KCNT2: variants seen among roughly 807,000 people sequenced by gnomAD.
The protein encoded by KCNT2 is potassium channel subfamily T member 2.
KCNT2 carries 67 observed loss-of-function variants against 153.8 expected under a neutral mutation model. The observed-to-expected ratio is 0.44, with a 90% CI of 0.36 to 0.53. KCNT2 has a LOEUF of 0.53. Ranked by LOEUF, KCNT2 falls within the 20% of genes least tolerant of loss-of-function variation. The pLI is 0.00. For synonymous variants in KCNT2, 500 were observed against 458.8 expected, an observed-to-expected ratio of 1.09 and a Z score of -1.15; for missense variants, 975 against 1,354.8, an observed-to-expected ratio of 0.72 and a Z score of 4.40.
At chr1:196,309,736 A>G (rs1244122205) in intron 21 of KCNT2, among the ~76,000 whole-genome samples, 1 of 151,858 alleles carries the variant, frequency 6.6e-6, no homozygotes, top group African/African-American at 2.4e-5. Flanking sequence ...GTCTCCTTTG[A>G]AACACTAACA....
intron 1 of KCNT2, among the ~76,000 whole-genome samples, chr1:196,580,582 A>G (rs1661915924): frequency 1.3e-5 from 2 of 152,190 alleles, no homozygotes; most frequent in African/African-American, 4.8e-5. Flanking sequence ...TTGAATAAGA[A>G]AATGATAATC....
rs116608547 is a variant in KCNT2 at position 196,601,557 on chromosome 1, A to G, written c.95+6658T>C. On this transcript the variant is annotated intron_variant, in intron 1 of 27. Transcript: ENST00000294725. The stretch of plus-strand genomic sequence containing the variant: ...GCTATCATTTAAATTTTGAAATGAT[A>G]AAGACCAATATATCCACAACTGTCA... Among the ~76,000 whole-genome samples, 693 of 152,340 alleles carry G rather than the reference A, an allele frequency of 4.5e-3. 3 individuals carry two copies. Among genetic ancestry groups the G allele is most frequent in the African/African-American group, 0.015 (633 of 41,574 alleles).
intron 1 of KCNT2, among the ~76,000 whole-genome samples, chr1:196,557,786 A>G (rs1171012939): frequency 6.6e-6 from 1 of 151,440 alleles, no homozygotes; most frequent in African/African-American, 2.4e-5. Context: ...AAGCTCATGT[A>G]ATTTCCATGA....
Position 196,333,607 on chromosome 1 carries a change from G to A in KCNT2, c.1997+240C>T, listed in dbSNP as rs145579263. On this transcript the variant is annotated intron_variant, in intron 17 of 27. Transcript: ENST00000294725. ...CCTTGAGGATAAAAGATAATTAAGA[G>A]CAAAATGAGACTGGAAATATATGTT... is the stretch of plus-strand genomic sequence containing the variant. 3.4e-3 allele frequency among the ~76,000 whole-genome samples: 521 copies of A among 152,072 alleles called. 1 individual carries two copies. Among genetic ancestry groups the A allele is most frequent in the South Asian group, 8.9e-3 (43 of 4,824 alleles).
In KCNT2 at chr1:196,355,298, A is replaced by G. The variant is rs1667084625; in HGVS notation, c.1404-13070T>C. 2.0e-5 allele frequency among the ~76,000 whole-genome samples: 3 copies of G among 151,746 alleles called. No individual in the cohort carries two copies. In the South Asian group the frequency reaches 6.2e-4, roughly 31 times the overall value. The stretch of plus-strand genomic sequence containing the variant: ...AACAGCAGAACTGCCCCAACATTGT[A>G]GGTCACCAAGCATCAAATTAGAAAT... On this transcript the variant is annotated intron_variant, in intron 14 of 27. Coordinates refer to ENST00000294725, the MANE Select transcript of KCNT2 (RefSeq NM_198503.5).
At chr1:196,409,914 C>G (rs916365463) in intron 12 of KCNT2, among the ~76,000 whole-genome samples, 1 of 151,628 alleles carries the variant, frequency 6.6e-6, no homozygotes, top group African/African-American at 2.4e-5. Context: ...ATATCCACAA[C>G]CAGTGCACAA....
At chr1:196,469,798 T>G (rs1444182195) in intron 5 of KCNT2, among the ~76,000 whole-genome samples, 1 of 152,182 alleles carries the variant, frequency 6.6e-6, no homozygotes, top group East Asian at 1.9e-4. Flanking sequence ...CCACTGAAAC[T>G]TTCTTGATTG....
chr1:196,475,011 A>T, intron 5 of KCNT2, among the ~76,000 whole-genome samples: 1 of 152,212 alleles, frequency 6.6e-6, no homozygotes, highest in East Asian at 1.9e-4. Flanking sequence ...TCTCAATGAA[A>T]GTTTAAACTA....
At chr1:196,446,579 AC>A (rs1476990130) in intron 8 of KCNT2, among the ~76,000 whole-genome samples, 2 of 151,422 alleles carry the variant, frequency 1.3e-5, no homozygotes, top group Non-Finnish European at 3.0e-5. Context: ...TTCATCAATT[AC>A]CCCCAACTTT....
At chr1:196,536,427 GCA>G (rs1342933213) in intron 1 of KCNT2, among the ~76,000 whole-genome samples, 1 of 152,190 alleles carries the variant, frequency 6.6e-6, no homozygotes, top group Non-Finnish European at 1.5e-5. Flanking sequence ...AGCCCATTGA[GCA>G]CACTGTCCAC....
intron 1 of KCNT2, among the ~76,000 whole-genome samples, chr1:196,533,516 A>C (rs1655195116): frequency 6.6e-6 from 1 of 152,084 alleles, no homozygotes. Context: ...GGAAACTTCA[A>C]GTTCCTCAAT....
chr1:196,517,019 A>G (rs1652651922), intron 1 of KCNT2, among the ~76,000 whole-genome samples: 2 of 151,854 alleles, frequency 1.3e-5, no homozygotes, highest in South Asian at 4.2e-4. Context: ...CAGCTCTACA[A>G]CTCCTGGGAG....
chr1:196,591,108 G>A (rs1663296903), intron 1 of KCNT2, among the ~76,000 whole-genome samples: 1 of 152,110 alleles, frequency 6.6e-6, no homozygotes, highest in African/African-American at 2.4e-5. Flanking sequence ...CTAATGGGAG[G>A]TGTTTGGGTC....
At chr1:196,370,670 C>G (rs1458176160) in intron 14 of KCNT2, among the ~76,000 whole-genome samples, 1 of 152,036 alleles carries the variant, frequency 6.6e-6, no homozygotes, top group Non-Finnish European at 1.5e-5. Flanking sequence ...AGAAGCTAAA[C>G]AGAGTGACCA....
intron 8 of KCNT2, among the ~76,000 whole-genome samples, chr1:196,453,419 A>C (rs1477268107): frequency 6.6e-6 from 1 of 151,878 alleles, no homozygotes; most frequent in African/African-American, 2.4e-5. Context: ...CAACTTCATC[A>C]TTTTACTTTA....
At chr1:196,361,433 TAAAAA>T (rs1326817277) in intron 14 of KCNT2, among the ~76,000 whole-genome samples, 4 of 151,932 alleles carry the variant, frequency 2.6e-5, no homozygotes, top group Non-Finnish European at 5.9e-5. Context: ...AGCCCATTCA[TAAAAA>T]AGCTCTGTGA....
intron 1 of KCNT2, among the ~76,000 whole-genome samples, chr1:196,508,189 C>CAAA (rs10539910): frequency 2.7e-4 from 16 of 59,978 alleles, no homozygotes; most frequent in East Asian, 4.6e-4. Context: ...CCCTAAGTAG[C>CAAA]AAAAAAAAAA....
intron 1 of KCNT2, among the ~76,000 whole-genome samples, chr1:196,557,083 C>T (rs917820042): frequency 6.6e-6 from 1 of 150,954 alleles, no homozygotes; most frequent in African/African-American, 2.4e-5. Flanking sequence ...TTTGACAGCA[C>T]AAGAGGGGGT....
At chr1:196,358,522 C>A (rs1211118580) in intron 14 of KCNT2, among the ~76,000 whole-genome samples, 11 of 151,780 alleles carry the variant, frequency 7.2e-5, no homozygotes, top group Non-Finnish European at 1.6e-4. Context: ...TCATCACCAC[C>A]CTTTATAATA....
Sources: allele counts gnomAD v4.1 joint callset (sites outside exome capture counted in the v4.1 genomes callset), GRCh38; gene constraint gnomAD v4.1.1; transcripts MANE v1.5; gene names NCBI Gene and HGNC (gene_info 2026-07-23, HGNC 2026-07-21).